EPM2A: variants seen among roughly 807,000 people sequenced by gnomAD.
The protein encoded by EPM2A is EPM2A glucan phosphatase, laforin.
EPM2A carries 21 observed loss-of-function variants against 26.5 expected under a neutral mutation model. The ratio of observed to expected loss-of-function variants is 0.79; its 90% CI spans 0.56 to 1.14. EPM2A has a LOEUF of 1.14. Among genes scored for constraint, EPM2A ranks in the 50% most tolerant of loss-of-function variants. The pLI, the probability that EPM2A is intolerant of heterozygous loss-of-function variation, is 0.00. For missense variants in EPM2A, 458 were observed against 440.8 expected, an observed-to-expected ratio of 1.04 and a Z score of -0.35; for synonymous variants, 217 against 177.6, an observed-to-expected ratio of 1.22 and a Z score of -1.76.
chr6:145,542,044 A>T (rs1353059577), intron 2 of EPM2A, among the ~76,000 whole-genome samples: 2 of 152,238 alleles, frequency 1.3e-5, no homozygotes, highest in African/African-American at 4.8e-5. Flanking sequence ...CCAATGTGCA[A>T]TTAGTAGAAA....
At chr6:145,551,901 A>G (rs183008815) in intron 2 of EPM2A, among the ~76,000 whole-genome samples, 172 of 152,134 alleles carry the variant, frequency 1.1e-3, no homozygotes, top group Non-Finnish European at 1.3e-3. Context: ...GCATGAACAA[A>G]GAGCAAGGCA....
chr6:145,722,504 A>T (rs558753502), intron 1 of EPM2A, among the ~76,000 whole-genome samples: 38 of 152,320 alleles, frequency 2.5e-4, no homozygotes, highest in African/African-American at 8.4e-4. Flanking sequence ...TATATGGGAT[A>T]TTAAAATTTA....
At chr6:145,398,309 C>T (rs1256340374) in intron 4 of EPM2A, among the ~76,000 whole-genome samples, 1 of 152,130 alleles carries the variant, frequency 6.6e-6, no homozygotes, top group East Asian at 1.9e-4. Context: ...CAAAAGCTTG[C>T]CTGATAGCTC....
intron 1 of EPM2A, chr6:145,705,866 A>G (rs1283787354): frequency 4.4e-6 from 2 of 456,642 alleles, no homozygotes; most frequent in South Asian, 1.5e-5. Context: ...ACTGGTAAAC[A>G]GTAATCGCCT....
chr6:145,607,677 A>G (rs1775291283), intron 2 of EPM2A, among the ~76,000 whole-genome samples: 1 of 152,186 alleles, frequency 6.6e-6, no homozygotes, highest in African/African-American at 2.4e-5. Context: ...AGAATAAAGA[A>G]TGCAGAAGAG....
intron 2 of EPM2A, chr6:145,637,668 A>G (rs1776796989): frequency 6.6e-6 from 1 of 152,350 alleles, no homozygotes; most frequent in Non-Finnish European, 1.5e-5. Context: ...ATTCTTAGAT[A>G]TTCCACTGGA....
chr6:145,734,796 G>T (rs80292977), intron 1 of EPM2A: 4,881 of 153,686 alleles, frequency 0.032, 273 homozygotes, highest in African/African-American at 0.11. Context: ...ACCCGCGAAG[G>T]GGGGGACTCG....
Position 145,423,018 on chromosome 6 carries a change from T to A in EPM2A, c.556-38921A>T, listed in dbSNP as rs1013467866. ...GATCATTAATTTAATTAGGGCTCAT[T>A]TTACTAAGCTTAAAGATGGATTTAG... On this transcript the variant is annotated intron_variant, in intron 4 of 4. Transcript: ENST00000638717. Among the ~76,000 whole-genome samples, 3 of 152,124 alleles carry A rather than the reference T, an allele frequency of 2.0e-5. No individual in the cohort carries two copies. In the East Asian group the frequency reaches 5.8e-4, roughly 29 times the overall value.
At position 145,461,381 on chromosome 6, in the gene EPM2A, G is replaced by C. The variant is rs74620879; in HGVS notation, c.555+41141C>G. Among the ~76,000 whole-genome samples the C allele has an allele frequency of 2.0e-4, 31 of 152,262 alleles. No homozygotes were observed. The East Asian group carries it at 4.4e-3, about 22-fold the overall frequency. ...GTTGGGAGATTTTCACATTTGGGGAGCAGTTTTAAAATGCAATGCCACAGT... is the reference window on the plus strand; with the variant it reads ...GTTGGGAGATTTTCACATTTGGGGACCAGTTTTAAAATGCAATGCCACAGT... On this transcript the variant is annotated intron_variant, in intron 4 of 4. Coordinates refer to the EPM2A transcript ENST00000638717.
chr6:145,638,314 A>G (rs1343937412), intron 2 of EPM2A: 1 of 152,246 alleles, frequency 6.6e-6, no homozygotes, highest in Non-Finnish European at 1.5e-5. Context: ...TGAGCCTGCA[A>G]TATAAGAAAT....
intron 2 of EPM2A, among the ~76,000 whole-genome samples, chr6:145,505,378 C>T (rs1255406028): frequency 6.6e-6 from 1 of 151,782 alleles, no homozygotes; most frequent in Non-Finnish European, 1.5e-5. Flanking sequence ...ATTTTTCTCT[C>T]TTACACACAC....
chr6:145,446,686 C>G (rs1033308573), intron 4 of EPM2A, among the ~76,000 whole-genome samples: 2 of 151,996 alleles, frequency 1.3e-5, no homozygotes, highest in Non-Finnish European at 2.9e-5. Flanking sequence ...CTGCCAAAAG[C>G]TCCTCTTGCC....
In EPM2A at chr6:145,627,352, A is replaced by G. The variant is rs1775884639; in HGVS notation, c.*64T>C. ...CAGGTAGAATCCTTGTTTCTAGGTCATTTGACCAACATCATCCCAGGCTCC... is the reference window on the plus strand; with the variant it reads ...CAGGTAGAATCCTTGTTTCTAGGTCGTTTGACCAACATCATCCCAGGCTCC... On this transcript the variant is annotated 3_prime_UTR_variant, in exon 4 of 4. Transcript: ENST00000367519. The G allele has an allele frequency of 6.2e-7, 1 of 1,609,188 alleles. No individual in the cohort carries two copies. The highest frequency in any genetic ancestry group is 1.7e-5 in the Admixed American group (1 of 59,984).
chr6:145,568,703 A>G lies in EPM2A; in HGVS notation c.341-66128T>C, dbSNP rs553881415. 2.6e-5 allele frequency among the ~76,000 whole-genome samples: 4 copies of G among 152,288 alleles called. No individual in the cohort carries two copies. The South Asian group carries it at 6.2e-4, about 24-fold the overall frequency. ...ACTGGCTTCCAATCTCCTCTGTGCTATCCCTTTTCAAACATCAGAATGCCA... is the reference window on the plus strand; with the variant it reads ...ACTGGCTTCCAATCTCCTCTGTGCTGTCCCTTTTCAAACATCAGAATGCCA... On this transcript the variant is annotated intron_variant, in intron 2 of 3. Coordinates refer to the EPM2A transcript ENST00000450221.
At chr6:145,699,189 A>G (rs1562500620) in intron 1 of EPM2A, among the ~76,000 whole-genome samples, 1 of 152,252 alleles carries the variant, frequency 6.6e-6, no homozygotes. Context: ...CATGATTCCC[A>G]CAATAAATGA....
rs1775877895 is a variant in EPM2A at position 145,627,277 on chromosome 6, T to A, written c.*139A>T. ...CAAAACAAAGCATAATCGAAAGTCA[T>A]CCCAGGTGAAAGTGGTTGGCTTGGG... On this transcript the variant is annotated 3_prime_UTR_variant, in exon 4 of 4. Transcript: ENST00000367519. 1 of 1,560,540 alleles carries A rather than the reference T, an allele frequency of 6.4e-7. No individual in the cohort carries two copies. Among genetic ancestry groups the A allele is most frequent in the Non-Finnish European group, 8.6e-7 (1 of 1,163,732 alleles).
intron 2 of EPM2A, among the ~76,000 whole-genome samples, chr6:145,662,028 T>G (rs947772512): frequency 8.5e-5 from 13 of 152,108 alleles, no homozygotes; most frequent in Admixed American, 1.3e-4. Flanking sequence ...CAGAGTAAAA[T>G]TTCAAGGGAC....
At chr6:145,572,880 AC>A in intron 2 of EPM2A, among the ~76,000 whole-genome samples, 1 of 152,328 alleles carries the variant, frequency 6.6e-6, no homozygotes, top group Middle Eastern at 3.4e-3. Context: ...CTGGAGTAGC[AC>A]ACTCAAATGA....
chr6:145,735,539 C>T (rs1057522658), upstream of EPM2A: 5 of 1,160,518 alleles, frequency 4.3e-6, no homozygotes, highest in East Asian at 4.0e-5. Context: ...CCGGAGTCCC[C>T]GCGGCCGGCA....
Sources: allele counts gnomAD v4.1 joint callset (sites outside exome capture counted in the v4.1 genomes callset), GRCh38; gene constraint gnomAD v4.1.1; transcripts MANE v1.5; gene names NCBI Gene and HGNC (gene_info 2026-07-23, HGNC 2026-07-21).